The following CLUAP1 variants were observed in gnomAD, a reference collection of about 807,000 sequenced individuals.
The protein encoded by CLUAP1 is intraflagellar transport 38, also known as clusterin-associated protein 1.
Under a neutral mutation model 55.0 loss-of-function variants are expected in CLUAP1, and 50 were observed. The observed-to-expected ratio is 0.91, with a 90% CI of 0.72 to 1.15. The LOEUF (loss-of-function observed/expected upper bound fraction) is 1.15. CLUAP1 is among the 50% of genes most tolerant of loss of function. The pLI, the probability that CLUAP1 is intolerant of heterozygous loss-of-function variation, is 0.00. For synonymous variants in CLUAP1, 195 were observed against 175.4 expected (o/e 1.11, Z -0.88); for missense variants, 530 against 507.6 (o/e 1.04, Z -0.42).
chr16:3,523,445 G>C, intron 8 of CLUAP1, 146 bp downstream of exon 8: 1 of 982,706 alleles, frequency 1.0e-6, no homozygotes, highest in Non-Finnish European at 1.5e-6. Flanking sequence ...CTCATGTAAT[G>C]TGTTTGTTTT....
At chr16:3,526,346 G>A (rs545566423) in intron 8 of CLUAP1, 66 bp from the exon 9 acceptor site, 2 of 1,092,052 alleles carry the variant, frequency 1.8e-6, no homozygotes, top group Admixed American at 2.7e-5. Flanking sequence ...TTACACAGTG[G>A]TGAAGAAGAA....
At chr16:3,521,107 G>A (rs2037823772) in intron 7 of CLUAP1, among the ~76,000 whole-genome samples, 2 of 151,728 alleles carry the variant, frequency 1.3e-5, no homozygotes, top group African/African-American at 4.8e-5. Flanking sequence ...TCCCTGCCCA[G>A]CGCAAGGCCA....
At chr16:3,503,671 A>C (rs1351720258) in intron 1 of CLUAP1, among the ~76,000 whole-genome samples, 1 of 152,134 alleles carries the variant, frequency 6.6e-6, no homozygotes, top group Non-Finnish European at 1.5e-5. Context: ...ATCTGAGCTT[A>C]CTGCAACCTC....
At chr16:3,531,194 G>A (rs572287937) in intron 10 of CLUAP1, among the ~76,000 whole-genome samples, 26 of 152,200 alleles carry the variant, frequency 1.7e-4, no homozygotes, top group Admixed American at 1.4e-3. Flanking sequence ...AATATCCACT[G>A]CATTCCGGCC....
At position 3,507,680 on chromosome 16, in the gene CLUAP1, TTGTGTG is replaced by T. The variant is rs61672090; in HGVS notation, c.220-576_220-571del. ...CACTATTTTAAATCTCTTCCAGAGT[TTGTGTG>T]TGTGTGTGTGTGTGTGTGTGTGTGT... On this transcript the variant is annotated intron_variant, in intron 3 of 11. Transcript: ENST00000576634. Among the ~76,000 whole-genome samples the T allele has an allele frequency of 7.9e-3, 1,132 of 143,068 alleles. 12 individuals carry two copies. Among genetic ancestry groups the T allele is most frequent in the Middle Eastern group, 0.031 (9 of 290 alleles). 93.9% of individuals were successfully genotyped at this position (143,068 alleles called of 152,430 possible).
rs148711662 is a variant in CLUAP1, at chr16:3,504,079, C to T, written c.23-641C>T. 1.1e-3 allele frequency among the ~76,000 whole-genome samples: 161 copies of T among 152,188 alleles called. 1 individual carries two copies. In the East Asian group the frequency reaches 0.027, roughly 25 times the overall value. Reference sequence around the variant, plus strand: ...GCACTAAGGCTTTTCCTGAGGTGACCCCAACCTATGGATCAACAAGTATTA... The same window carrying T: ...GCACTAAGGCTTTTCCTGAGGTGACTCCAACCTATGGATCAACAAGTATTA... On this transcript the variant is annotated intron_variant, in intron 1 of 11. Transcript: ENST00000576634.
chr16:3,495,577 G>C, the CLUAP1 span: 17 of 1,454,732 alleles, frequency 1.2e-5, no homozygotes, highest in African/African-American at 8.5e-5. Context: ...CCTAGTTTGG[G>C]AGAGGACAGT....
intron 8 of CLUAP1, 23 bp downstream of exon 8, chr16:3,523,322 T>G: frequency 6.3e-7 from 1 of 1,594,206 alleles, no homozygotes; most frequent in Non-Finnish European, 8.5e-7. Context: ...TGTCCTCTGT[T>G]CAGCCATTCC....
At chr16:3,512,524 G>C (rs2037649644) in intron 5 of CLUAP1, 46 bp downstream of exon 5, 3 of 1,451,476 alleles carry the variant, frequency 2.1e-6, no homozygotes, top group Middle Eastern at 1.7e-4. Flanking sequence ...TTCTCTTCAA[G>C]GTTTTCTTTT....
intron 5 of CLUAP1, among the ~76,000 whole-genome samples, chr16:3,515,029 A>C (rs1054461504): frequency 6.6e-6 from 1 of 152,134 alleles, no homozygotes; most frequent in East Asian, 1.9e-4. Context: ...TCATGCTAAG[A>C]AAGATGCTTA....
At chr16:3,533,329 G>A (rs184923351) in intron 11 of CLUAP1, 32 of 599,206 alleles carry the variant, frequency 5.3e-5, no homozygotes, top group South Asian at 2.2e-4. Context: ...AAGTGGAGGC[G>A]CAGGCACGGA....
intron 10 of CLUAP1, among the ~76,000 whole-genome samples, chr16:3,531,233 A>C (rs867965910): frequency 6.6e-6 from 1 of 152,136 alleles, no homozygotes; most frequent in Admixed American, 6.5e-5. Flanking sequence ...TCTTAAAACT[A>C]AGTTAAGCCA....
chr16:3,508,981 G>T (rs905619489), intron 4 of CLUAP1, among the ~76,000 whole-genome samples: 2 of 152,032 alleles, frequency 1.3e-5, no homozygotes, highest in Non-Finnish European at 2.9e-5. Flanking sequence ...TTTGGGCTGG[G>T]TGCAGTGACT....
In CLUAP1 at chr16:3,532,767, A is replaced by T. The variant is rs201884274; in HGVS notation, c.1037-19A>T. The T allele has an allele frequency of 3.1e-6, 5 of 1,613,646 alleles. No individual in the cohort carries two copies. The highest frequency in any genetic ancestry group is 4.2e-6 in the Non-Finnish European group (5 of 1,179,648). ...TTTCCAAGATTTTTATGACTTCTTC[A>T]TGCTTTTGTTGTTCTCAGGAAGACC... On this transcript the variant is annotated intron_variant, in intron 10 of 11. Transcript: ENST00000576634.
intron 9 of CLUAP1, among the ~76,000 whole-genome samples, chr16:3,527,288 C>T (rs147084758): frequency 0.046 from 7,068 of 152,086 alleles, 221 homozygotes; most frequent in Middle Eastern, 0.078. Context: ...TCATAATAAT[C>T]CTCGCTCTAC....
At chr16:3,499,213 C>G (rs1024261158), upstream of CLUAP1, among the ~76,000 whole-genome samples, 1 of 152,220 alleles carries the variant, frequency 6.6e-6, no homozygotes, top group Non-Finnish European at 1.5e-5. Context: ...GGCGCGGTGG[C>G]GCGCGTCTGT....
chr16:3,498,779 A>G (rs1390188751), upstream of CLUAP1, among the ~76,000 whole-genome samples: 3 of 152,070 alleles, frequency 2.0e-5, no homozygotes, highest in African/African-American at 7.2e-5. Context: ...AGAATGGCGT[A>G]AACCCAGGAG....
intron 6 of CLUAP1, among the ~76,000 whole-genome samples, chr16:3,518,225 A>T (rs2037766513): frequency 6.6e-6 from 1 of 152,248 alleles, no homozygotes; most frequent in Non-Finnish European, 1.5e-5. Context: ...AATTAAAAAA[A>T]AATTATTATA....
chr16:3,496,878 T>C (rs1038298405), upstream of CLUAP1: 39 of 298,662 alleles, frequency 1.3e-4, no homozygotes, highest in Middle Eastern at 2.5e-3. Flanking sequence ...CTTTTCTTTT[T>C]TTTTTTTTTT....
Sources: allele counts gnomAD v4.1 joint callset (sites outside exome capture counted in the v4.1 genomes callset), GRCh38; gene constraint gnomAD v4.1.1; transcripts MANE v1.5; gene names NCBI Gene and HGNC (gene_info 2026-07-23, HGNC 2026-07-21).